Variants in DMD observed in about 807,000 individuals in gnomAD.
The protein encoded by DMD is dystrophin.
A neutral mutation model predicts 330.1 loss-of-function variants in DMD; 63 were observed. The observed-to-expected ratio is 0.19, with a 90% confidence interval of 0.16 to 0.24. The LOEUF (loss-of-function observed/expected upper bound fraction) is 0.24. Ranked by LOEUF, DMD falls within the 10% of genes least tolerant of loss-of-function variation. The probability of loss-of-function intolerance (pLI) is 1.00; values close to 1 mark genes in which losing one functional copy is unlikely to be tolerated. For missense variants in DMD, 3,344 were observed against 2,684.1 expected, an observed-to-expected ratio of 1.25 and a Z score of -5.43; for synonymous variants, 1,223 against 959.8, an observed-to-expected ratio of 1.27 and a Z score of -5.07.
chrX:31,636,048 T>C (rs2079395301), intron 54 of DMD, among the ~76,000 whole-genome samples: 1 of 111,887 alleles, frequency 8.9e-6, no homozygotes, highest in Non-Finnish European at 1.9e-5. Context: ...TCAGAGATCA[T>C]GGATGGAGCT....
intron 11 of DMD, among the ~76,000 whole-genome samples, chrX:32,625,638 T>G (rs2058299134): frequency 8.9e-6 from 1 of 112,631 alleles, no homozygotes; most frequent in East Asian, 2.8e-4. Flanking sequence ...TTCATTAATT[T>G]CAGCCTGTAT....
intron 44 of DMD, among the ~76,000 whole-genome samples, chrX:32,178,132 C>G (rs1342095969): frequency 9.3e-6 from 1 of 107,042 alleles, no homozygotes; most frequent in African/African-American, 3.4e-5. Context: ...GTTAAGATAT[C>G]TAGTAGGCAA....
intron 1 of DMD, among the ~76,000 whole-genome samples, chrX:33,338,420 G>A (rs1405176611): frequency 1.8e-5 from 2 of 108,840 alleles, no homozygotes; most frequent in Admixed American, 1.0e-4. Context: ...AAAATCGTAC[G>A]CAGGCAAGAA....
chrX:31,473,711 CA>C lies in DMD; in HGVS notation c.8937+4394del, dbSNP rs55752684. 7.1e-3 allele frequency among the ~76,000 whole-genome samples: 283 copies of C among 40,119 alleles called. 5 individuals are homozygous for C. The highest frequency in any genetic ancestry group is 0.029 in the Middle Eastern group (2 of 69). The allele number at this position is 40,119 out of a possible 115,157, so 34.8% of individuals were successfully genotyped here. On this transcript the variant is annotated intron_variant, in intron 59 of 78. Transcript: ENST00000357033. ...CTGGTGACAGAGTGAGACTCTGTCTCAAAAAAAAAAAAAAAAAGAAAACAAC... is the reference window on the plus strand; with the variant it reads ...CTGGTGACAGAGTGAGACTCTGTCTCAAAAAAAAAAAAAAAAGAAAACAAC...
intron 60 of DMD, among the ~76,000 whole-genome samples, chrX:31,371,908 T>C (rs959963414): frequency 8.9e-6 from 1 of 112,436 alleles, no homozygotes; most frequent in Admixed American, 9.4e-5. Context: ...TGAGAGCCAC[T>C]GGGCAAAGCA....
chrX:31,338,805 G>A (rs2057550083), intron 61 of DMD, among the ~76,000 whole-genome samples: 1 of 110,186 alleles, frequency 9.1e-6, no homozygotes, highest in African/African-American at 3.3e-5. Context: ...CAGGATGAGT[G>A]GTCACTCTGC....
chrX:32,360,285 A>T (rs2097826759), intron 37 of DMD, among the ~76,000 whole-genome samples: 1 of 112,074 alleles, frequency 8.9e-6, no homozygotes, highest in Admixed American at 9.5e-5. Context: ...TGGAAGCTCA[A>T]TCCCATTAGC....
chrX:32,413,716 T>C (rs1238222699), intron 29 of DMD, among the ~76,000 whole-genome samples: 2 of 97,434 alleles, frequency 2.1e-5, no homozygotes, highest in African/African-American at 7.7e-5. Flanking sequence ...TATTCTTTTT[T>C]TTTTTTTTTT....
At chrX:32,673,578 G>T (rs2061768524) in intron 9 of DMD, among the ~76,000 whole-genome samples, 1 of 112,013 alleles carries the variant, frequency 8.9e-6, no homozygotes, top group Non-Finnish European at 1.9e-5. Context: ...TCGAATGTTT[G>T]TATGAACAGA....
intron 1 of DMD, among the ~76,000 whole-genome samples, chrX:33,174,309 GAA>G (rs1422544470): frequency 9.0e-6 from 1 of 110,901 alleles, no homozygotes. Flanking sequence ...ACTGGAAACT[GAA>G]AGTCTCCTAT....
chrX:32,205,742 T>C (rs1329621413), intron 44 of DMD, among the ~76,000 whole-genome samples: 7 of 111,454 alleles, frequency 6.3e-5, no homozygotes, highest in African/African-American at 2.3e-4. Context: ...TTAGGTGAAA[T>C]GTAGAGAAGT....
intron 4 of DMD, among the ~76,000 whole-genome samples, chrX:32,839,407 T>C (rs2079956317): frequency 8.9e-6 from 1 of 112,116 alleles, no homozygotes; most frequent in South Asian, 3.7e-4. Flanking sequence ...CACTTAACTG[T>C]TCCTAAGTAT....
chrX:32,434,469 A>G (rs1326389293), intron 29 of DMD, among the ~76,000 whole-genome samples: 1 of 112,131 alleles, frequency 8.9e-6, no homozygotes, highest in Non-Finnish European at 1.9e-5. Flanking sequence ...TTTTTGTTTA[A>G]CCAACCAAAA....
intron 51 of DMD, among the ~76,000 whole-genome samples, chrX:31,759,497 C>G (rs1292824966): frequency 9.0e-6 from 1 of 111,139 alleles, no homozygotes; most frequent in Non-Finnish European, 1.9e-5. Context: ...CATTCTCTTT[C>G]CAGATTTTAA....
chrX:32,675,707 C>T (rs1325240430), intron 9 of DMD, among the ~76,000 whole-genome samples: 1 of 111,393 alleles, frequency 9.0e-6, no homozygotes, highest in Non-Finnish European at 1.9e-5. Flanking sequence ...CCTGGCACAG[C>T]TGCTTTTCAT....
At chrX:31,223,285 C>T (rs1053109294) in intron 63 of DMD, among the ~76,000 whole-genome samples, 164 bp from the exon 64 acceptor site, 6 of 111,904 alleles carry the variant, frequency 5.4e-5, no homozygotes, top group Non-Finnish European at 9.4e-5. Context: ...ATTCTGTTAA[C>T]GTGGGGAAAA....
chrX:32,856,111 A>G (rs975845983), intron 2 of DMD, among the ~76,000 whole-genome samples: 2 of 112,323 alleles, frequency 1.8e-5, no homozygotes, highest in African/African-American at 6.5e-5. Flanking sequence ...ACAATGAGGT[A>G]TCATCTCACC....
Position 32,348,387 on chromosome X carries a change from T to C in DMD, c.5448+19A>G. 8.3e-7 allele frequency: 1 copy of C among 1,203,868 alleles called. No individual in the cohort carries two copies. Among genetic ancestry groups the C allele is most frequent in the East Asian group, 3.0e-5 (1 of 33,647 alleles). On this transcript the variant is annotated intron_variant, in intron 38 of 78. Coordinates refer to ENST00000357033, the MANE Select transcript of DMD (RefSeq NM_004006.3). ...TTTCCACTCCTAGTTCATTCACACT[T>C]TTATCACAACCAATTTACCATATCT... is the stretch of plus-strand genomic sequence containing the variant.
At chrX:33,002,927 A>T (rs751870098) in intron 2 of DMD, among the ~76,000 whole-genome samples, 1 of 107,634 alleles carries the variant, frequency 9.3e-6, no homozygotes, top group African/African-American at 3.4e-5. Context: ...GGACCTCTGC[A>T]CCAGGTGTGC....
Sources: gnomAD v4.1 joint callset for allele counts (sites outside exome capture counted in the v4.1 genomes callset) on GRCh38, gnomAD v4.1.1 for gene constraint, MANE v1.5 for transcripts, NCBI Gene and HGNC (gene_info 2026-07-23, HGNC 2026-07-21) for gene names.